Variants in AKAP12 observed in about 807,000 individuals in gnomAD.
AKAP12 encodes the protein A-kinase anchor protein 12.
Under a neutral mutation model 79.9 loss-of-function variants are expected in AKAP12, and 32 were observed. That is an observed-to-expected ratio of 0.40 (90% confidence interval 0.30 to 0.54). AKAP12 has a LOEUF of 0.54. Ranked by LOEUF, AKAP12 falls within the 20% of genes least tolerant of loss-of-function variation. AKAP12 has a pLI of 0.48. For synonymous variants in AKAP12, 808 were observed against 857.0 expected (o/e 0.94, Z 1.00); for missense variants, 2,074 against 2,177.0 (o/e 0.95, Z 0.94).
chr6:151,343,047 G>A (rs1777993353), intron 3 of AKAP12, among the ~76,000 whole-genome samples: 1 of 152,236 alleles, frequency 6.6e-6, no homozygotes, highest in South Asian at 2.1e-4. Context: ...ACAGGTGTGA[G>A]CCATAGTGCC....
At chr6:151,245,830 C>A (rs1337113420) in intron 2 of AKAP12, among the ~76,000 whole-genome samples, 1 of 151,914 alleles carries the variant, frequency 6.6e-6, no homozygotes, top group Non-Finnish European at 1.5e-5. Flanking sequence ...AAATTTGAAG[C>A]CAATATGATG....
At chr6:151,311,816 A>C (rs1212226267) in intron 3 of AKAP12, among the ~76,000 whole-genome samples, 1 of 152,138 alleles carries the variant, frequency 6.6e-6, no homozygotes, top group African/African-American at 2.4e-5. Context: ...GCCCTCCCTA[A>C]AGATCTTGTT....
At chr6:151,331,913 G>C (rs1226603945) in intron 3 of AKAP12, among the ~76,000 whole-genome samples, 1 of 149,118 alleles carries the variant, frequency 6.7e-6, no homozygotes, top group Non-Finnish European at 1.5e-5. Flanking sequence ...TTTTGTTTTG[G>C]AGTACTAGTA....
Position 151,349,475 on chromosome 6 carries a change from G to C in AKAP12, c.1084G>C (p.Ala362Pro). 1 of 1,606,376 alleles carries C rather than the reference G, an allele frequency of 6.2e-7. No homozygotes were observed. Among genetic ancestry groups the C allele is most frequent in the Non-Finnish European group, 8.5e-7 (1 of 1,177,754 alleles). The change falls in exon 4 of 5, where the codon GCA (alanine) becomes CCA (proline). Residue 362 changes from alanine (A) to proline (P), a missense_variant. This residue lies in a region of AKAP12 where 1,428 missense variants were observed against 1,451.0 expected (regional missense o/e 0.98). Coordinates refer to ENST00000402676, the MANE Select transcript of AKAP12 (RefSeq NM_005100.4). ...ASEQAHPQEP[A>P]ESAHEPRLSA... ...CGAGCAAGCCCACCCACAGGAGCCG[G>C]CAGAAAGTGCCCACGAGCCCCGGTT...
chr6:151,312,138 G>A (rs971456204), intron 3 of AKAP12, among the ~76,000 whole-genome samples: 3 of 152,028 alleles, frequency 2.0e-5, no homozygotes, highest in African/African-American at 7.3e-5. Flanking sequence ...TTAACATCTG[G>A]CATTTGACAT....
intron 2 of AKAP12, among the ~76,000 whole-genome samples, chr6:151,295,568 C>G (rs1208702618): frequency 6.6e-6 from 1 of 152,158 alleles, no homozygotes; most frequent in Non-Finnish European, 1.5e-5. Flanking sequence ...ATAGCAAGCA[C>G]TGCCATTTCA....
chr6:151,327,430 T>C (rs1056621489), intron 3 of AKAP12, among the ~76,000 whole-genome samples: 5 of 152,168 alleles, frequency 3.3e-5, no homozygotes, highest in East Asian at 1.9e-4. Flanking sequence ...CTCCATTTTT[T>C]CCCCCAGATC....
At chr6:151,344,852 T>A (rs1778046824) in intron 3 of AKAP12, among the ~76,000 whole-genome samples, 1 of 152,150 alleles carries the variant, frequency 6.6e-6, no homozygotes, top group African/African-American at 2.4e-5. Context: ...TATTTAACTT[T>A]CTGGGGTTCA....
At chr6:151,311,681 T>C (rs892796318) in intron 3 of AKAP12, among the ~76,000 whole-genome samples, 6 of 152,218 alleles carry the variant, frequency 3.9e-5, no homozygotes, top group African/African-American at 9.6e-5. Flanking sequence ...GAGAATTTCA[T>C]TTTTCTAATG....
intron 2 of AKAP12, among the ~76,000 whole-genome samples, chr6:151,268,706 G>A (rs986781041): frequency 6.6e-6 from 1 of 152,122 alleles, no homozygotes; most frequent in African/African-American, 2.4e-5. Flanking sequence ...GCAGCAGCCT[G>A]ATCTCAGTTC....
At chr6:151,312,014 G>A (rs1777116585) in intron 3 of AKAP12, among the ~76,000 whole-genome samples, 1 of 152,136 alleles carries the variant, frequency 6.6e-6, no homozygotes, top group African/African-American at 2.4e-5. Flanking sequence ...TTTATGATTT[G>A]ATTCCTTTTC....
At chr6:151,325,982 C>A (rs1777513386) in intron 3 of AKAP12, 1 of 1,560,552 alleles carries the variant, frequency 6.4e-7, no homozygotes, top group Non-Finnish European at 8.8e-7. Context: ...TGGTGGGGAG[C>A]CCGGGAGGTC....
chr6:151,284,608 A>T (rs187807040), intron 2 of AKAP12, among the ~76,000 whole-genome samples: 1 of 152,332 alleles, frequency 6.6e-6, no homozygotes, highest in African/African-American at 2.4e-5. Flanking sequence ...AGTCTGGGCA[A>T]CAGAGCAAGA....
chr6:151,332,449 C>A (rs940475390), intron 3 of AKAP12, among the ~76,000 whole-genome samples: 4 of 152,080 alleles, frequency 2.6e-5, no homozygotes, highest in African/African-American at 9.7e-5. Flanking sequence ...ATTATCATAT[C>A]TTTTCCAAGT....
At chr6:151,253,406 A>G in intron 2 of AKAP12, among the ~76,000 whole-genome samples, 1 of 152,188 alleles carries the variant, frequency 6.6e-6, no homozygotes, top group East Asian at 1.9e-4. Context: ...TTCTTTTAAA[A>G]TAAAAAGAGA....
intron 2 of AKAP12, chr6:151,298,804 A>T (rs2114746532): frequency 6.6e-6 from 1 of 152,090 alleles, no homozygotes; most frequent in East Asian, 1.9e-4. Context: ...TCAAAAAAAA[A>T]AAACAAGAGA....
intron 3 of AKAP12, among the ~76,000 whole-genome samples, chr6:151,307,022 C>T (rs565626366): frequency 6.6e-5 from 10 of 152,170 alleles, no homozygotes; most frequent in Non-Finnish European, 1.2e-4. Context: ...GACAAGGCAA[C>T]TTGGTGACTA....
At chr6:151,275,304 G>A (rs1776271396) in intron 2 of AKAP12, among the ~76,000 whole-genome samples, 1 of 152,054 alleles carries the variant, frequency 6.6e-6, no homozygotes, top group African/African-American at 2.4e-5. Context: ...TTCGAGAGAG[G>A]CTGGGGCTTG....
intron 1 of AKAP12, 72 bp from the exon 2 acceptor site, chr6:151,240,312 C>T (rs1796939816): frequency 2.7e-6 from 1 of 366,238 alleles, no homozygotes; most frequent in Non-Finnish European, 4.8e-6. Flanking sequence ...TGTGATGAAG[C>T]GAGGGAAAAA....
Sources: gnomAD v4.1 joint callset for allele counts (sites outside exome capture counted in the v4.1 genomes callset) on GRCh38, gnomAD v4.1.1 for gene constraint, gnomAD v4.1.1 regional missense constraint, MANE v1.5 for transcripts, NCBI Gene and HGNC (gene_info 2026-07-23, HGNC 2026-07-21) for gene names.